The following DTWD2 variants were observed in gnomAD, a reference collection of about 807,000 sequenced individuals.
The protein encoded by DTWD2 is tRNA-uridine aminocarboxypropyltransferase 2.
A neutral mutation model predicts 31.8 loss-of-function variants in DTWD2; 39 were observed. The observed-to-expected ratio is 1.22, with a 90% CI of 0.95 to 1.60. The LOEUF is 1.60. Among genes scored for constraint, DTWD2 ranks in the 40% most tolerant of loss-of-function variants. The probability of loss-of-function intolerance (pLI) is 0.00; values close to 1 mark genes in which losing one functional copy is unlikely to be tolerated. For missense variants in DTWD2, 515 were observed against 381.5 expected (o/e 1.35, Z -2.92); for synonymous variants, 180 against 142.8 (o/e 1.26, Z -1.86).
intron 1 of DTWD2, among the ~76,000 whole-genome samples, chr5:118,964,487 C>T (rs1053013692): frequency 6.6e-5 from 10 of 152,248 alleles, no homozygotes; most frequent in Non-Finnish European, 8.8e-5. Context: ...CCTCTGATGC[C>T]GAGCCGAAGC....
At chr5:118,962,537 T>C (rs1319680126) in intron 1 of DTWD2, among the ~76,000 whole-genome samples, 1 of 151,520 alleles carries the variant, frequency 6.6e-6, no homozygotes, top group Non-Finnish European at 1.5e-5. Flanking sequence ...CAAAAAAAAA[T>C]CCTAAAAGAA....
intron 4 of DTWD2, among the ~76,000 whole-genome samples, chr5:118,892,202 T>C (rs1284887145): frequency 6.6e-6 from 1 of 152,154 alleles, no homozygotes; most frequent in African/African-American, 2.4e-5. Flanking sequence ...ATATTTAATC[T>C]ATATTTAGAT....
chr5:118,939,232 C>T lies in DTWD2; in HGVS notation c.368G>A (p.Cys123Tyr), dbSNP rs1296062378. ...LLAACLPQDK[C>Y]KVKIGRRFSE... ...GAAGCGACGACCGATCTTCACTTTA[C>T]ACTTGTCCTGGGGGAGGCATGCTGC... is the stretch of plus-strand genomic sequence containing the variant. The change falls in exon 3 of 6, where the codon TGT becomes TAT. Residue 123 changes from cysteine to tyrosine, a missense_variant. Physicochemically the swap from Cys to Tyr is radical, Grantham distance 194 (BLOSUM62 -2). Transcript: ENST00000510708. 2.5e-6 allele frequency: 4 copies of T among 1,606,370 alleles called. No individual in the cohort carries two copies. Among genetic ancestry groups the T allele is most frequent in the Non-Finnish European group, 3.4e-6 (4 of 1,175,938 alleles).
chr5:118,875,286 C>T (rs1051031366), intron 4 of DTWD2, among the ~76,000 whole-genome samples: 4 of 152,056 alleles, frequency 2.6e-5, no homozygotes, highest in African/African-American at 7.2e-5. Context: ...TATAAAGCAA[C>T]CACATAAACA....
chr5:118,925,308 C>T (rs971182242), intron 4 of DTWD2, among the ~76,000 whole-genome samples: 1 of 152,072 alleles, frequency 6.6e-6, no homozygotes, highest in African/African-American at 2.4e-5. Context: ...AATTAACAAA[C>T]TTAAAAGCAA....
chr5:118,976,553 T>A (rs913053306), intron 1 of DTWD2, among the ~76,000 whole-genome samples: 1 of 152,128 alleles, frequency 6.6e-6, no homozygotes, highest in African/African-American at 2.4e-5. Flanking sequence ...CAAAGAATAC[T>A]CTAAACACCT....
Position 118,918,324 on chromosome 5 carries a change from G to GT in DTWD2, c.597+10212dup, listed in dbSNP as rs926433655. 6.5e-4 allele frequency among the ~76,000 whole-genome samples: 96 copies of GT among 147,962 alleles called. 1 individual carries two copies. Among genetic ancestry groups the GT allele is most frequent in the South Asian group, 3.8e-3 (18 of 4,754 alleles). On this transcript the variant is annotated intron_variant, in intron 4 of 5. Transcript: ENST00000510708. ...AGAGATGACATTTTATATCAGTCAG[G>GT]TTTTTTTTTATTTTTTTTTTGAGAT...
chr5:118,964,099 A>C (rs1754769105), intron 1 of DTWD2, among the ~76,000 whole-genome samples: 1 of 151,738 alleles, frequency 6.6e-6, no homozygotes, highest in African/African-American at 2.4e-5. Context: ...AATTCCAGCT[A>C]CTTGGGAGGC....
chr5:118,892,719 G>C (rs528435607), intron 4 of DTWD2, among the ~76,000 whole-genome samples: 1 of 152,044 alleles, frequency 6.6e-6, no homozygotes, highest in African/African-American at 2.4e-5. Flanking sequence ...ATCAATGGAA[G>C]GAAATTGTAT....
chr5:118,985,490 TTATATATATATATATA>T (rs56393420), intron 1 of DTWD2, among the ~76,000 whole-genome samples: 3 of 95,418 alleles, frequency 3.1e-5, no homozygotes, highest in South Asian at 4.3e-4. Flanking sequence ...ATGTGCATTT[TTATATATATATATATA>T]TATATATATA....
intron 4 of DTWD2, among the ~76,000 whole-genome samples, chr5:118,866,221 G>A (rs1752378198): frequency 6.6e-6 from 1 of 152,108 alleles, no homozygotes; most frequent in Non-Finnish European, 1.5e-5. Context: ...GTCACTTAAA[G>A]TTCTTGAATT....
At chr5:118,939,329 T>G in intron 2 of DTWD2, 39 bp from the exon 3 acceptor site, 14 of 1,494,616 alleles carry the variant, frequency 9.4e-6, no homozygotes, top group Non-Finnish European at 1.2e-5. Context: ...GATTTTTACT[T>G]AGATATACAC....
At chr5:118,847,574 A>G (rs906347993) in intron 5 of DTWD2, among the ~76,000 whole-genome samples, 2 of 151,994 alleles carry the variant, frequency 1.3e-5, no homozygotes, top group Admixed American at 6.6e-5. Flanking sequence ...TAAATGAAAT[A>G]ATTGCAGGTT....
chr5:118,860,371 T>G (rs916126315), intron 4 of DTWD2, among the ~76,000 whole-genome samples: 2 of 151,662 alleles, frequency 1.3e-5, no homozygotes, highest in Non-Finnish European at 1.5e-5. Context: ...TTCCTTTTCA[T>G]ATTTTTTATA....
chr5:118,883,566 G>A (rs545711628), intron 4 of DTWD2, among the ~76,000 whole-genome samples: 58 of 152,230 alleles, frequency 3.8e-4, no homozygotes, highest in African/African-American at 1.3e-3. Flanking sequence ...ACAGTTCCCC[G>A]CATAGCTGAG....
intron 1 of DTWD2, among the ~76,000 whole-genome samples, chr5:118,964,101 T>C (rs1349737574): frequency 2.0e-5 from 3 of 151,728 alleles, no homozygotes; most frequent in African/African-American, 7.3e-5. Flanking sequence ...TTCCAGCTAC[T>C]TGGGAGGCTG....
In DTWD2 at chr5:118,837,275, A is replaced by C. The variant is rs1425480156; in HGVS notation, c.*3642T>G. The stretch of plus-strand genomic sequence containing the variant: ...AATTTAAGAGAGTAATTCATTCTAC[A>C]AAAAGCCTACTTATGGGGCAAATTA... On this transcript the variant is annotated 3_prime_UTR_variant, in exon 6 of 6. Coordinates refer to ENST00000510708, the MANE Select transcript of DTWD2 (RefSeq NM_173666.4). 1 of 152,232 alleles carries C rather than the reference A, an allele frequency of 6.6e-6. No individual in the cohort carries two copies. Among genetic ancestry groups the C allele is most frequent in the Non-Finnish European group, 1.5e-5 (1 of 68,038 alleles). The allele number at this position is 152,232 out of a possible 1,614,324, so 9.4% of individuals were successfully genotyped here. A position where few individuals can be genotyped will look rare whatever the true frequency, so the allele number is the denominator to read the frequency against.
intron 1 of DTWD2, among the ~76,000 whole-genome samples, chr5:118,962,352 G>T (rs1419099146): frequency 6.6e-6 from 1 of 152,128 alleles, no homozygotes; most frequent in Non-Finnish European, 1.5e-5. Context: ...CACTGATTTT[G>T]ATGCCTTTCC....
At chr5:118,908,041 G>A (rs1352740217) in intron 4 of DTWD2, among the ~76,000 whole-genome samples, 1 of 152,126 alleles carries the variant, frequency 6.6e-6, no homozygotes, top group Non-Finnish European at 1.5e-5. Context: ...ATATAAACTT[G>A]CCTTGAAGAT....
Sources: gnomAD v4.1 joint callset for allele counts (sites outside exome capture counted in the v4.1 genomes callset) on GRCh38, gnomAD v4.1.1 for gene constraint, MANE v1.5 for transcripts, NCBI Gene and HGNC (gene_info 2026-07-23, HGNC 2026-07-21) for gene names.